Variants in MYO6 observed in about 807,000 individuals in gnomAD.
The protein encoded by MYO6 is myosin VI.
In MYO6, 74 loss-of-function variants were observed where a neutral mutation model predicts 178.7. The observed-to-expected ratio is 0.41, with a 90% CI of 0.34 to 0.50. The LOEUF is 0.50. Ranked by LOEUF, MYO6 falls within the 20% of genes least tolerant of loss-of-function variation. MYO6 has a pLI of 0.09. For synonymous variants in MYO6, 477 were observed against 504.6 expected, an observed-to-expected ratio of 0.95 and a Z score of 0.73; for missense variants, 1,330 against 1,547.4, an observed-to-expected ratio of 0.86 and a Z score of 2.36.
At chr6:75,856,258 T>G (rs897078732) in intron 12 of MYO6, among the ~76,000 whole-genome samples, 4 of 152,142 alleles carry the variant, frequency 2.6e-5, no homozygotes, top group African/African-American at 9.6e-5. Context: ...CATTTTCTCC[T>G]TGTTCCAAAG....
At chr6:75,806,923 T>C (rs1339104477) in intron 1 of MYO6, among the ~76,000 whole-genome samples, 2 of 152,194 alleles carry the variant, frequency 1.3e-5, no homozygotes, top group African/African-American at 2.4e-5. Flanking sequence ...TCTGTGTGTG[T>C]GTGTGTCTTT....
chr6:75,892,835 TTG>T (rs1482710695), intron 28 of MYO6, 145 bp downstream of exon 28: 8 of 843,460 alleles, frequency 9.5e-6, no homozygotes, highest in African/African-American at 1.7e-5. Context: ...TTAAAATTAT[TTG>T]TATCGACTTT....
chr6:75,865,847 T>A (rs1470971013), intron 16 of MYO6, among the ~76,000 whole-genome samples: 1 of 152,236 alleles, frequency 6.6e-6, no homozygotes, highest in Non-Finnish European at 1.5e-5. Flanking sequence ...GCTATATTAT[T>A]TGAAACGGTA....
intron 1 of MYO6, among the ~76,000 whole-genome samples, chr6:75,768,458 G>T (rs570946383): frequency 1.2e-4 from 18 of 150,940 alleles, no homozygotes; most frequent in Non-Finnish European, 2.4e-4. Context: ...TCGGCTCACT[G>T]CAACCTCCGC....
intron 2 of MYO6, among the ~76,000 whole-genome samples, chr6:75,819,090 T>A (rs2150172751): frequency 6.6e-6 from 1 of 152,328 alleles, no homozygotes; most frequent in African/African-American, 2.4e-5. Flanking sequence ...TTTTTCATAT[T>A]TTAAATATTT....
At chr6:75,877,023 G>A (rs1488828435) in intron 20 of MYO6, among the ~76,000 whole-genome samples, 1 of 151,616 alleles carries the variant, frequency 6.6e-6, no homozygotes, top group African/African-American at 2.4e-5. Context: ...TGCCTAGGCT[G>A]GAGTGCAATG....
chr6:75,866,278 T>TGTGTATGTGG (rs1554212788), intron 16 of MYO6, among the ~76,000 whole-genome samples: 1 of 142,332 alleles, frequency 7.0e-6, no homozygotes, highest in Non-Finnish European at 1.5e-5. Flanking sequence ...TCTGTCTCTG[T>TGTGTATGTGG]GTGTGTGTGT....
intron 25 of MYO6, 24 bp from the exon 26 acceptor site, chr6:75,890,033 A>G (rs925069750): frequency 6.6e-7 from 1 of 1,503,988 alleles, no homozygotes; most frequent in Admixed American, 1.7e-5. Flanking sequence ...GCTTTTACGT[A>G]CCTATTTATT....
intron 1 of MYO6, among the ~76,000 whole-genome samples, chr6:75,778,008 T>C (rs1054439897): frequency 1.3e-5 from 2 of 152,112 alleles, no homozygotes; most frequent in African/African-American, 2.4e-5. Context: ...CTTACAAATA[T>C]TGTACAATAT....
chr6:75,893,648 G>A (rs1004198932), intron 28 of MYO6, among the ~76,000 whole-genome samples: 1 of 152,132 alleles, frequency 6.6e-6, no homozygotes, highest in South Asian at 2.1e-4. Context: ...AAATAATTGC[G>A]GTTTTTGCCA....
At chr6:75,831,905 GAAAA>G (rs1052789974) in intron 5 of MYO6, among the ~76,000 whole-genome samples, 2 of 147,508 alleles carry the variant, frequency 1.4e-5, no homozygotes, top group Non-Finnish European at 3.0e-5. Context: ...AAAAAAAAAA[GAAAA>G]AAGCGCTGCT....
intron 12 of MYO6, 60 bp from the exon 13 acceptor site, chr6:75,857,037 G>A: frequency 2.6e-6 from 4 of 1,531,406 alleles, no homozygotes; most frequent in Non-Finnish European, 3.6e-6. Flanking sequence ...GGTGCACTCT[G>A]TGGCATTTTC....
chr6:75,765,365 T>G (rs987033442), intron 1 of MYO6, among the ~76,000 whole-genome samples: 1 of 151,574 alleles, frequency 6.6e-6, no homozygotes, highest in Non-Finnish European at 1.5e-5. Context: ...TTAGTAGAGA[T>G]GGGGTTTCAC....
chr6:75,755,701 T>A (rs1036399363), intron 1 of MYO6, among the ~76,000 whole-genome samples: 1 of 152,210 alleles, frequency 6.6e-6, no homozygotes, highest in African/African-American at 2.4e-5. Flanking sequence ...AAGAACTGTG[T>A]GTGCGTCTGT....
chr6:75,758,541 A>G (rs1484466442), intron 1 of MYO6, among the ~76,000 whole-genome samples: 1 of 151,440 alleles, frequency 6.6e-6, no homozygotes, highest in Admixed American at 6.6e-5. Flanking sequence ...GCTCACTGCA[A>G]GCTCCGCCTC....
At chr6:75,775,452 T>A (rs1043913492) in intron 1 of MYO6, among the ~76,000 whole-genome samples, 2 of 152,200 alleles carry the variant, frequency 1.3e-5, no homozygotes, top group Admixed American at 1.3e-4. Flanking sequence ...CTGTCCAAAT[T>A]GGAAATAAAC....
chr6:75,907,871 T>G (rs1175138777), intron 31 of MYO6, among the ~76,000 whole-genome samples, 163 bp downstream of exon 31: 3 of 151,996 alleles, frequency 2.0e-5, no homozygotes, highest in African/African-American at 7.2e-5. Flanking sequence ...GGTCCATGAA[T>G]GCACAGTAAC....
intron 1 of MYO6, among the ~76,000 whole-genome samples, chr6:75,769,143 TC>T (rs1378631118): frequency 6.6e-6 from 1 of 152,104 alleles, no homozygotes. Flanking sequence ...TCCCATCAGG[TC>T]CCATCTCTAA....
rs1265116497 is a variant in MYO6 at position 75,915,430 on chromosome 6, A to C, written c.*418A>C. 1 of 190,610 alleles carries C rather than the reference A, an allele frequency of 5.2e-6. No individual in the cohort carries two copies. Among genetic ancestry groups the C allele is most frequent in the Non-Finnish European group, 1.1e-5 (1 of 89,708 alleles). 11.8% of individuals were successfully genotyped at this position (190,610 alleles called of 1,614,324 possible). ...GAGCTTACATTCTTACAATAACTAA[A>C]CCACTTAAAATGATCAAGGCACTAA... On this transcript the variant is annotated 3_prime_UTR_variant, in exon 35 of 35. Transcript: ENST00000369977.
Sources: allele counts gnomAD v4.1 joint callset (sites outside exome capture counted in the v4.1 genomes callset), GRCh38; gene constraint gnomAD v4.1.1; transcripts MANE v1.5; gene names NCBI Gene and HGNC (gene_info 2026-07-23, HGNC 2026-07-21).